DHCR24: variants seen among roughly 807,000 people sequenced by gnomAD.
DHCR24 encodes the protein 24-dehydrocholesterol reductase.
In DHCR24, 28 loss-of-function variants were observed where a neutral mutation model predicts 61.2. That is an observed-to-expected ratio of 0.46 (90% CI 0.34 to 0.63). DHCR24 has a LOEUF of 0.63. Ranked by LOEUF, DHCR24 falls within the 20% of genes least tolerant of loss-of-function variation. DHCR24 has a pLI of 0.01. For synonymous variants in DHCR24, 261 were observed against 275.9 expected, an observed-to-expected ratio of 0.95 and a Z score of 0.54; for missense variants, 538 against 679.1, an observed-to-expected ratio of 0.79 and a Z score of 2.31.
chr1:54,865,555 T>C (rs1646963877), intron 5 of DHCR24, 109 bp from the exon 6 acceptor site: 1 of 1,424,604 alleles, frequency 7.0e-7, no homozygotes, highest in South Asian at 1.2e-5. Flanking sequence ...TTTTCAAAGC[T>C]CTTTCATGTC....
At chr1:54,886,455 C>T (rs1218947527) in intron 1 of DHCR24, among the ~76,000 whole-genome samples, 2 of 152,212 alleles carry the variant, frequency 1.3e-5, no homozygotes, top group African/African-American at 2.4e-5. Flanking sequence ...GACGTTCTCC[C>T]GCCCCTGCCC....
intron 6 of DHCR24, among the ~76,000 whole-genome samples, chr1:54,857,685 A>G (rs1375270648): frequency 6.6e-6 from 1 of 152,250 alleles, no homozygotes; most frequent in Non-Finnish European, 1.5e-5. Flanking sequence ...ATTTTTCTTC[A>G]CTTAGAATGG....
intron 1 of DHCR24, chr1:54,886,679 C>G (rs1030477502): frequency 7.3e-6 from 11 of 1,506,490 alleles, no homozygotes; most frequent in Non-Finnish European, 9.7e-6. Context: ...CCCGCATATG[C>G]CCTGCACACA....
Position 54,883,509 on chromosome 1 carries a change from G to C in DHCR24, c.387+109C>G. Reference sequence around the variant, plus strand: ...GTATCTTCTATGACTGTGGGCATTGGTCCTGTCCACTCTGCAATGCCCTTG... The same window carrying C: ...GTATCTTCTATGACTGTGGGCATTGCTCCTGTCCACTCTGCAATGCCCTTG... On this transcript the variant is annotated intron_variant, in intron 2 of 8. Transcript: ENST00000371269. This position sits in a 1 kb window ranked among gnomAD's most constrained non-coding sequence, Gnocchi z 4.3. 1 of 1,335,790 alleles carries C rather than the reference G, an allele frequency of 7.5e-7. No homozygotes were observed. Among genetic ancestry groups the C allele is most frequent in the South Asian group, 1.2e-5 (1 of 84,840 alleles). 82.7% of individuals were successfully genotyped at this position (1,335,790 alleles called of 1,614,324 possible). A position where few individuals can be genotyped will look rare whatever the true frequency, so the allele number is the denominator to read the frequency against.
At position 54,865,337 on chromosome 1, in the gene DHCR24, T is replaced by C; in HGVS notation, c.986A>G (p.His329Arg). The change falls in exon 6 of 9, where the codon CAC becomes CGC. Residue 329 changes from histidine to arginine, a missense_variant. Transcript: ENST00000371269. ...LEYIPLRHYY[H>R]RHTRSIFWEL... Reference sequence around the variant, plus strand: ...CCAGAAGATGCTGCGCGTGTGGCGGTGGTAGTAGTGTCTCAAGGGAATGTA... The same window carrying C: ...CCAGAAGATGCTGCGCGTGTGGCGGCGGTAGTAGTGTCTCAAGGGAATGTA... 6 of 1,612,704 alleles carry C rather than the reference T, an allele frequency of 3.7e-6. No individual in the cohort carries two copies. Among genetic ancestry groups the C allele is most frequent in the Non-Finnish European group, 5.1e-6 (6 of 1,179,620 alleles).
At chr1:54,870,001 G>A (rs929302884) in intron 5 of DHCR24, among the ~76,000 whole-genome samples, 2 of 151,676 alleles carry the variant, frequency 1.3e-5, no homozygotes, top group African/African-American at 4.9e-5. Flanking sequence ...GTTGCAGTGA[G>A]CTGAGATCAC....
At position 54,883,469 on chromosome 1, in the gene DHCR24, C is replaced by G; in HGVS notation, c.387+149G>C. ...CCCTGGTGGCTGTGAGGCTTGAGGA[C>G]AGCAATGGCAGGGAGTATCTTCTAT... On this transcript the variant is annotated intron_variant, in intron 2 of 8. Coordinates refer to ENST00000371269, the MANE Select transcript of DHCR24 (RefSeq NM_014762.4). The surrounding 1 kb of genome is among the most constrained non-coding windows in gnomAD (Gnocchi z 4.3). The G allele has an allele frequency of 9.8e-7, 1 of 1,022,908 alleles. No individual in the cohort carries two copies. Among genetic ancestry groups the G allele is most frequent in the East Asian group, 2.4e-5 (1 of 41,978 alleles). 63.4% of individuals were successfully genotyped at this position (1,022,908 alleles called of 1,614,324 possible).
chr1:54,885,031 T>C (rs1338489778), intron 1 of DHCR24, among the ~76,000 whole-genome samples: 1 of 152,168 alleles, frequency 6.6e-6, no homozygotes, highest in East Asian at 1.9e-4. Flanking sequence ...ATAAAATCCC[T>C]TTTTGCTCAA....
At chr1:54,879,334 A>AC in intron 2 of DHCR24, among the ~76,000 whole-genome samples, 1 of 86,144 alleles carries the variant, frequency 1.2e-5, no homozygotes, top group Non-Finnish European at 2.4e-5. Context: ...AAAAAAAAAA[A>AC]AAAAAAAAAA....
At position 54,871,598 on chromosome 1, in the gene DHCR24, G is replaced by A. The variant is rs762400676; in HGVS notation, c.628C>T (p.Leu210=). The change falls in exon 5 of 9, where the codon CTG becomes TTG. Residue 210 remains leucine, a synonymous_variant. Coordinates refer to ENST00000371269, the MANE Select transcript of DHCR24 (RefSeq NM_014762.4). ...VRCTPSENSD[L]FYAVPWSCGT... ...CAGGACCAGGGTACGGCATAGAACAGGTCTGAGTTTTCGGACTGTGAGACA... is the reference window on the plus strand; with the variant it reads ...CAGGACCAGGGTACGGCATAGAACAAGTCTGAGTTTTCGGACTGTGAGACA... The A allele has an allele frequency of 1.2e-6, 2 of 1,614,098 alleles. No individual in the cohort carries two copies. The highest frequency in any genetic ancestry group is 1.3e-5 in the African/African-American group (1 of 74,946).
At chr1:54,871,293 C>G in intron 5 of DHCR24, 57 bp downstream of exon 5, 1 of 1,608,048 alleles carries the variant, frequency 6.2e-7, no homozygotes, top group South Asian at 1.1e-5. Context: ...CCGGCTCAGT[C>G]CTAGCACACT....
At position 54,853,415 on chromosome 1, in the gene DHCR24, T is replaced by A; in HGVS notation, c.1397+19A>T. On this transcript the variant is annotated intron_variant, in intron 8 of 8. Transcript: ENST00000371269. Reference sequence around the variant, plus strand: ...GGGCTGTCAGCTAGAGGCAACATACTATACTCTGGGCCACTCACCCATGCA... The same window carrying A: ...GGGCTGTCAGCTAGAGGCAACATACAATACTCTGGGCCACTCACCCATGCA... 1.9e-6 allele frequency: 3 copies of A among 1,614,040 alleles called. No individual in the cohort carries two copies. The South Asian group carries it at 3.3e-5, about 18-fold the overall frequency.
At chr1:54,862,036 C>A (rs1646941003) in intron 6 of DHCR24, among the ~76,000 whole-genome samples, 1 of 152,154 alleles carries the variant, frequency 6.6e-6, no homozygotes, top group Non-Finnish European at 1.5e-5. Flanking sequence ...GATGAACTTT[C>A]CATGTGCCCA....
chr1:54,861,572 C>T (rs1293396916), intron 6 of DHCR24, among the ~76,000 whole-genome samples: 1 of 152,178 alleles, frequency 6.6e-6, no homozygotes, highest in East Asian at 1.9e-4. Context: ...CATCCGGCCT[C>T]CCCTCCATAG....
At chr1:54,870,283 C>G (rs1462458569) in intron 5 of DHCR24, among the ~76,000 whole-genome samples, 1 of 151,932 alleles carries the variant, frequency 6.6e-6, no homozygotes, top group Non-Finnish European at 1.5e-5. Context: ...GCACACAAAA[C>G]TGTTATACGT....
chr1:54,879,216 G>A (rs1190165604), intron 2 of DHCR24, among the ~76,000 whole-genome samples: 1 of 151,608 alleles, frequency 6.6e-6, no homozygotes, highest in East Asian at 1.9e-4. Flanking sequence ...CTACTCGGGA[G>A]GCTGTGACAG....
intron 2 of DHCR24, among the ~76,000 whole-genome samples, chr1:54,880,755 ACT>A (rs1647059739): frequency 6.7e-6 from 1 of 149,440 alleles, no homozygotes; most frequent in Non-Finnish European, 1.5e-5. Flanking sequence ...ACAGAGCTAG[ACT>A]CTGTCTCAAA....
At chr1:54,875,857 G>T in intron 3 of DHCR24, 85 bp downstream of exon 3, 2 of 1,063,282 alleles carry the variant, frequency 1.9e-6, no homozygotes, top group South Asian at 1.3e-5. Flanking sequence ...GGCAATTCCA[G>T]GACTAGATGG....
chr1:54,878,334 C>T (rs545153834), intron 2 of DHCR24, among the ~76,000 whole-genome samples: 1,182 of 94,668 alleles, frequency 0.012, 9 homozygotes, highest in South Asian at 0.028. Flanking sequence ...GATGAAACCC[C>T]GCCTCTGCTA....
Sources: allele counts gnomAD v4.1 joint callset (sites outside exome capture counted in the v4.1 genomes callset), GRCh38; gene constraint gnomAD v4.1.1; non-coding constraint Gnocchi (gnomAD v3.1); transcripts MANE v1.5; gene names NCBI Gene and HGNC (gene_info 2026-07-23, HGNC 2026-07-21).